CSMD1: variants seen among roughly 807,000 people sequenced by gnomAD.
CSMD1 encodes CUB and sushi domain-containing protein 1.
Under a neutral mutation model 417.5 loss-of-function variants are expected in CSMD1, and 213 were observed. The ratio of observed to expected loss-of-function variants is 0.51; its 90% confidence interval spans 0.46 to 0.57. The LOEUF (loss-of-function observed/expected upper bound fraction) is 0.57, where lower values mean the gene tolerates loss of function less well. Among genes scored for constraint, CSMD1 ranks in the 20% least tolerant of loss-of-function variants. The probability of loss-of-function intolerance (pLI) is 0.00; values close to 1 mark genes in which losing one functional copy is unlikely to be tolerated. For synonymous variants in CSMD1, 2,862 were observed against 1,736.8 expected (o/e 1.65, Z -16.11); for missense variants, 6,923 against 4,529.7 (o/e 1.53, Z -15.17).
chr8:4,806,311 G>T (rs1046654683), intron 1 of CSMD1, among the ~76,000 whole-genome samples: 1 of 152,136 alleles, frequency 6.6e-6, no homozygotes, highest in Non-Finnish European at 1.5e-5. Context: ...AGGTGGCCTA[G>T]TTCCACCCTA....
rs529514610 is a variant in CSMD1, at chr8:4,292,552, C to T, written c.415+127401G>A. On this transcript the variant is annotated intron_variant, in intron 3 of 69. Coordinates refer to ENST00000635120, the MANE Select transcript of CSMD1 (RefSeq NM_033225.6). ...CAGCCCAGGCGTGAGCCACCGTGCC[C>T]GCCCGAATTTTTTAACTGAATGGAA... Among the ~76,000 whole-genome samples, 9 of 152,206 alleles carry T rather than the reference C, an allele frequency of 5.9e-5. No individual in the cohort carries two copies. In the South Asian group the frequency reaches 8.3e-4, roughly 14 times the overall value.
chr8:3,632,345 C>A (rs958301743), intron 7 of CSMD1, among the ~76,000 whole-genome samples: 1 of 152,010 alleles, frequency 6.6e-6, no homozygotes, highest in African/African-American at 2.4e-5. Context: ...TCAGCCCTGA[C>A]ACCCCCCCAT....
rs112555632 is a variant in CSMD1 at position 4,107,334 on chromosome 8, A to G, written c.416-75235T>C. Among the ~76,000 whole-genome samples the G allele has an allele frequency of 3.4e-3, 523 of 152,340 alleles. 3 individuals carry two copies. The highest frequency in any genetic ancestry group is 0.012 in the African/African-American group (482 of 41,576). On this transcript the variant is annotated intron_variant, in intron 3 of 69. Transcript: ENST00000635120. ...CCTGAAATAGAGAGGATTTCCATTC[A>G]GGAATAAAGCTCCTTACAAAGCCAC...
At chr8:3,236,374 A>C (rs940468043) in intron 26 of CSMD1, among the ~76,000 whole-genome samples, 2 of 152,212 alleles carry the variant, frequency 1.3e-5, no homozygotes, top group South Asian at 2.1e-4. Flanking sequence ...AGAATTATGA[A>C]ATAAAGATGA....
intron 5 of CSMD1, among the ~76,000 whole-genome samples, chr8:3,985,637 T>C (rs749646912): frequency 6.6e-6 from 1 of 152,162 alleles, no homozygotes; most frequent in Non-Finnish European, 1.5e-5. Context: ...GGCAGAACCG[T>C]TGCACTCACA....
chr8:3,231,661 GA>G (rs1798846926), intron 26 of CSMD1, among the ~76,000 whole-genome samples: 2 of 152,202 alleles, frequency 1.3e-5, no homozygotes, highest in Admixed American at 6.5e-5. Flanking sequence ...AATAATTCAG[GA>G]CAAGAGAAAA....
At chr8:3,651,794 C>G (rs559208251) in intron 7 of CSMD1, among the ~76,000 whole-genome samples, 311 of 151,568 alleles carry the variant, frequency 2.1e-3, no homozygotes, top group Non-Finnish European at 3.1e-3. Context: ...GAGCACCCAC[C>G]ACCATCGCAC....
intron 2 of CSMD1, among the ~76,000 whole-genome samples, chr8:4,576,319 T>C (rs1799133487): frequency 6.6e-6 from 1 of 152,238 alleles, no homozygotes. Flanking sequence ...CATTCTTTTC[T>C]TTTCTCCTGG....
chr8:4,111,670 G>A (rs1192444009), intron 3 of CSMD1, among the ~76,000 whole-genome samples: 1 of 152,144 alleles, frequency 6.6e-6, no homozygotes, highest in Non-Finnish European at 1.5e-5. Context: ...CCTGCAGGAA[G>A]CAAAAGACAA....
At chr8:4,140,129 G>A (rs140422270) in intron 3 of CSMD1, among the ~76,000 whole-genome samples, 1 of 150,944 alleles carries the variant, frequency 6.6e-6, no homozygotes, top group South Asian at 2.1e-4. Context: ...AAGGCGGGAG[G>A]ATTCCTTGAG....
chr8:4,463,933 G>A (rs1001715503), intron 2 of CSMD1, among the ~76,000 whole-genome samples: 5 of 152,132 alleles, frequency 3.3e-5, no homozygotes, highest in African/African-American at 1.2e-4. Context: ...GAAAGCAGCA[G>A]CTCAGGACTA....
intron 7 of CSMD1, among the ~76,000 whole-genome samples, chr8:3,670,868 T>A (rs1333363179): frequency 6.6e-6 from 1 of 150,466 alleles, no homozygotes; most frequent in African/African-American, 2.4e-5. Flanking sequence ...GTATGGGATA[T>A]ATATGTATAT....
At chr8:4,198,122 G>A (rs776668401) in intron 3 of CSMD1, among the ~76,000 whole-genome samples, 1 of 152,214 alleles carries the variant, frequency 6.6e-6, no homozygotes, top group Non-Finnish European at 1.5e-5. Flanking sequence ...TACGGGAGAA[G>A]GTTCTTTGAG....
chr8:4,095,299 T>C (rs1237322543), intron 3 of CSMD1, among the ~76,000 whole-genome samples: 1 of 152,194 alleles, frequency 6.6e-6, no homozygotes, highest in Non-Finnish European at 1.5e-5. Context: ...TAATATCAAT[T>C]CTGTTATTAC....
At chr8:4,123,496 G>C (rs1473032325) in intron 3 of CSMD1, among the ~76,000 whole-genome samples, 2 of 152,156 alleles carry the variant, frequency 1.3e-5, no homozygotes, top group African/African-American at 2.4e-5. Context: ...ATTGCTTTTA[G>C]AAGATTCGGG....
At chr8:4,598,883 G>C (rs1164552269) in intron 2 of CSMD1, among the ~76,000 whole-genome samples, 1 of 151,418 alleles carries the variant, frequency 6.6e-6, no homozygotes, top group East Asian at 1.9e-4. Flanking sequence ...AAGAAAAAAA[G>C]AATGACTTTT....
intron 7 of CSMD1, among the ~76,000 whole-genome samples, chr8:3,640,472 G>A (rs916776431): frequency 1.3e-5 from 2 of 152,146 alleles, no homozygotes; most frequent in African/African-American, 4.8e-5. Flanking sequence ...GGAAATAGTT[G>A]CTCAGTTTTG....
chr8:3,256,331 GAA>G (rs1800654143), intron 26 of CSMD1, among the ~76,000 whole-genome samples: 5 of 138,254 alleles, frequency 3.6e-5, no homozygotes, highest in African/African-American at 1.1e-4. Context: ...AAAAAGAGAA[GAA>G]AGGAAGGAAA....
At chr8:4,756,568 G>C (rs140011269) in intron 1 of CSMD1, among the ~76,000 whole-genome samples, 3 of 152,170 alleles carry the variant, frequency 2.0e-5, no homozygotes, top group African/African-American at 4.8e-5. Context: ...TATTGAAATA[G>C]AGCATGCGTT....
Sources: allele counts gnomAD v4.1 joint callset (sites outside exome capture counted in the v4.1 genomes callset), GRCh38; gene constraint gnomAD v4.1.1; transcripts MANE v1.5; gene names NCBI Gene and HGNC (gene_info 2026-07-23, HGNC 2026-07-21).